Variants in RARB observed in about 807,000 individuals in gnomAD.
RARB encodes the protein retinoic acid receptor beta, also known as HBV-activated protein.
In RARB, 17 loss-of-function variants were observed where a neutral mutation model predicts 51.9. The observed-to-expected ratio is 0.33, with a 90% CI of 0.22 to 0.49. The LOEUF (loss-of-function observed/expected upper bound fraction) is 0.49, where lower values mean the gene tolerates loss of function less well. Among genes scored for constraint, RARB ranks in the 20% least tolerant of loss-of-function variants. The pLI is 0.99. For synonymous variants in RARB, 215 were observed against 195.4 expected (o/e 1.10, Z -0.84); for missense variants, 369 against 550.8 (o/e 0.67, Z 3.30).
At chr3:25,283,540 C>G (rs1052376081) in intron 5 of RARB, among the ~76,000 whole-genome samples, 3 of 152,176 alleles carry the variant, frequency 2.0e-5, no homozygotes, top group African/African-American at 7.2e-5. Context: ...ATACCTGACA[C>G]CTTAGAGGTG....
chr3:24,976,952 G>A (rs1696529213), intron 2 of RARB, among the ~76,000 whole-genome samples: 1 of 152,134 alleles, frequency 6.6e-6, no homozygotes, highest in Admixed American at 6.5e-5. Flanking sequence ...GTGTAAGTAA[G>A]GGATCCAGTT....
At chr3:25,548,181 G>T (rs1410540733) in intron 3 of RARB, among the ~76,000 whole-genome samples, 1 of 150,494 alleles carries the variant, frequency 6.6e-6, no homozygotes, top group East Asian at 2.0e-4. Flanking sequence ...TCTCCCTAGA[G>T]ACAGAATCAA....
chr3:25,146,519 T>G (rs150065067), intron 4 of RARB, among the ~76,000 whole-genome samples: 2,183 of 147,052 alleles, frequency 0.015, 74 homozygotes, highest in East Asian at 0.086. Flanking sequence ...TTGTTTTTTT[T>G]TTTTTGAGAC....
chr3:24,965,825 CT>C (rs1442217477), intron 2 of RARB, among the ~76,000 whole-genome samples: 1 of 152,130 alleles, frequency 6.6e-6, no homozygotes, highest in African/African-American at 2.4e-5. Flanking sequence ...CCTCATCCCC[CT>C]GACCCTCCAG....
intron 5 of RARB, among the ~76,000 whole-genome samples, chr3:25,286,175 A>G (rs1376368545): frequency 2.4e-5 from 3 of 124,050 alleles, no homozygotes; most frequent in East Asian, 2.2e-4. Context: ...TGCAAGCTCC[A>G]TCTCCCGGGT....
At position 25,168,723 on chromosome 3, in the gene RARB, G is replaced by A. The variant is rs562503790; in HGVS notation, c.-279-5396G>A. ...AAAGAGAACGAATGGATGAAGAAGCGGAAATGGAGAGAAAATAGAGACAAT... is the reference window on the plus strand; with the variant it reads ...AAAGAGAACGAATGGATGAAGAAGCAGAAATGGAGAGAAAATAGAGACAAT... On this transcript the variant is annotated intron_variant, in intron 4 of 11. Coordinates refer to the RARB transcript ENST00000383772. Among the ~76,000 whole-genome samples, 12 of 152,226 alleles carry A rather than the reference G, an allele frequency of 7.9e-5. No individual in the cohort carries two copies. In the East Asian group the frequency reaches 1.2e-3, roughly 15 times the overall value.
chr3:25,248,404 T>C (rs1294328347), intron 5 of RARB, among the ~76,000 whole-genome samples: 1 of 152,188 alleles, frequency 6.6e-6, no homozygotes, highest in African/African-American at 2.4e-5. Flanking sequence ...ACTCCTATTA[T>C]TTTATTAATT....
In RARB at chr3:25,007,592, C is replaced by CAAAAA. The variant is rs759589176; in HGVS notation, c.-379-52525_-379-52521dup. ...CCTGGGCAACAGAGTGAGACTGTCT[C>CAAAAA]AAAAAAAAAAAACAAAAAAACCTCA... On this transcript the variant is annotated intron_variant, in intron 2 of 11. Transcript: ENST00000383772. Among the ~76,000 whole-genome samples the CAAAAA allele has an allele frequency of 9.0e-4, 41 of 45,328 alleles. 2 individuals are homozygous for CAAAAA. The highest frequency in any genetic ancestry group is 1.6e-3 in the African/African-American group (15 of 9,448). The allele number at this position is 45,328 out of a possible 152,430, so 29.7% of individuals were successfully genotyped here. A position where few individuals can be genotyped will look rare whatever the true frequency, so the allele number is the denominator to read the frequency against.
Position 25,597,702 on chromosome 3 carries a change from G to A in RARB, c.*1086G>A, listed in dbSNP as rs552029959. 6.6e-6 allele frequency: 1 copy of A among 152,592 alleles called. No individual in the cohort carries two copies. The highest frequency in any genetic ancestry group is 1.9e-4 in the East Asian group (1 of 5,180). The allele number at this position is 152,592 out of a possible 1,614,324, so 9.5% of individuals were successfully genotyped here. A position where few individuals can be genotyped will look rare whatever the true frequency, so the allele number is the denominator to read the frequency against. ...GACCTTGTTCAATCACTATGAAGCA[G>A]AGTGAAAGCTGTGGTAGAGTGGTTA... On this transcript the variant is annotated 3_prime_UTR_variant, in exon 8 of 8. Coordinates refer to ENST00000330688, the MANE Select transcript of RARB (RefSeq NM_000965.5).
At chr3:25,207,220 C>T (rs1701571696) in intron 5 of RARB, among the ~76,000 whole-genome samples, 1 of 152,164 alleles carries the variant, frequency 6.6e-6, no homozygotes, top group Non-Finnish European at 1.5e-5. Flanking sequence ...AGTTCCAACT[C>T]AGATCTACTA....
chr3:25,371,908 C>T (rs991804958), intron 5 of RARB, among the ~76,000 whole-genome samples: 2 of 152,070 alleles, frequency 1.3e-5, no homozygotes, highest in Admixed American at 6.6e-5. Context: ...GTTGAGTGGT[C>T]AGGGAAGGCC....
chr3:25,591,398 A>G (rs539282881), intron 5 of RARB, among the ~76,000 whole-genome samples: 1 of 152,314 alleles, frequency 6.6e-6, no homozygotes, highest in Admixed American at 6.5e-5. Flanking sequence ...AGTGCCCAGT[A>G]AGGCCGATAT....
rs1290567783 is a variant in RARB at position 25,278,515 on chromosome 3, A to G, written c.178+103940A>G. On this transcript the variant is annotated intron_variant, in intron 5 of 11. Transcript: ENST00000383772. The stretch of plus-strand genomic sequence containing the variant: ...GGTACATAGGTACAACAGTGTCTCT[A>G]TACAGGGGTACTGCCAAATATCTAT... Among the ~76,000 whole-genome samples, 27 of 152,206 alleles carry G rather than the reference A, an allele frequency of 1.8e-4. 1 individual carries two copies. The highest frequency in any genetic ancestry group is 1.8e-3 in the Admixed American group (27 of 15,278).
At chr3:25,357,497 C>T (rs1705779773) in intron 5 of RARB, among the ~76,000 whole-genome samples, 1 of 152,184 alleles carries the variant, frequency 6.6e-6, no homozygotes, top group South Asian at 2.1e-4. Flanking sequence ...TTTTGCTGTG[C>T]AGAAGCTCTT....
intron 1 of RARB, among the ~76,000 whole-genome samples, chr3:25,451,411 T>G (rs572423564): frequency 1.3e-5 from 2 of 152,212 alleles, no homozygotes; most frequent in African/African-American, 2.4e-5. Context: ...CACACAATTT[T>G]ATGCAGGCTC....
intron 3 of RARB, among the ~76,000 whole-genome samples, chr3:25,075,964 C>T (rs1698863167): frequency 6.6e-6 from 1 of 152,124 alleles, no homozygotes; most frequent in South Asian, 2.1e-4. Context: ...TGCTAGAAAA[C>T]CCACAGTCAG....
chr3:25,200,289 G>GT (rs779240133), intron 5 of RARB, among the ~76,000 whole-genome samples: 2,736 of 146,250 alleles, frequency 0.019, 38 homozygotes, highest in Non-Finnish European at 0.027. Flanking sequence ...TTTCTGGTGG[G>GT]TTTTTTTTTT....
At chr3:25,516,892 G>A (rs1363433780) in intron 3 of RARB, among the ~76,000 whole-genome samples, 1 of 152,144 alleles carries the variant, frequency 6.6e-6, no homozygotes, top group Non-Finnish European at 1.5e-5. Flanking sequence ...CTCCCAAAGT[G>A]TTGAGATTAC....
chr3:25,015,894 T>C (rs929681125), intron 2 of RARB, among the ~76,000 whole-genome samples: 3 of 152,194 alleles, frequency 2.0e-5, no homozygotes, highest in African/African-American at 7.2e-5. Context: ...TCAAGTCATA[T>C]CATGTTGACC....
Sources: allele counts gnomAD v4.1 joint callset (sites outside exome capture counted in the v4.1 genomes callset), GRCh38; gene constraint gnomAD v4.1.1; transcripts MANE v1.5; gene names NCBI Gene and HGNC (gene_info 2026-07-23, HGNC 2026-07-21).